MANBA: variants seen among roughly 807,000 people sequenced by gnomAD.
MANBA encodes beta-mannosidase.
Under a neutral mutation model 111.1 loss-of-function variants are expected in MANBA, and 83 were observed. The observed-to-expected ratio is 0.75, with a 90% CI of 0.63 to 0.90. MANBA has a LOEUF of 0.90. Among genes scored for constraint, MANBA ranks in the 40% least tolerant of loss-of-function variants. MANBA has a pLI of 0.00. For synonymous variants in MANBA, 370 were observed against 378.7 expected (o/e 0.98, Z 0.27); for missense variants, 1,036 against 1,069.0 (o/e 0.97, Z 0.43).
intron 1 of MANBA, among the ~76,000 whole-genome samples, chr4:102,753,037 A>G (rs1157651227): frequency 6.6e-6 from 1 of 152,164 alleles, no homozygotes; most frequent in African/African-American, 2.4e-5. Context: ...GTATATGTGT[A>G]TATTTATATA....
chr4:102,742,254 G>A (rs965646410), intron 1 of MANBA, among the ~76,000 whole-genome samples: 7 of 152,054 alleles, frequency 4.6e-5, no homozygotes, highest in African/African-American at 4.8e-5. Context: ...TGGTGGCAGC[G>A]TTTCTCCCTC....
At chr4:102,708,485 A>G (rs1237905782) in intron 5 of MANBA, among the ~76,000 whole-genome samples, 1 of 152,128 alleles carries the variant, frequency 6.6e-6, no homozygotes, top group African/African-American at 2.4e-5. Context: ...ATTAAAACCT[A>G]TGGAATACAG....
intron 11 of MANBA, among the ~76,000 whole-genome samples, chr4:102,658,691 C>A (rs1306130255): frequency 3.3e-5 from 5 of 152,196 alleles, no homozygotes; most frequent in African/African-American, 4.8e-5. Context: ...GGGCCATGTG[C>A]CTCATTCTCA....
At chr4:102,748,987 C>T (rs1180398836) in intron 1 of MANBA, among the ~76,000 whole-genome samples, 2 of 151,390 alleles carry the variant, frequency 1.3e-5, no homozygotes, top group Non-Finnish European at 1.5e-5. Flanking sequence ...TAATTTATCT[C>T]TTTTTTTAAA....
chr4:102,698,556 G>C (rs1452935900), intron 5 of MANBA, among the ~76,000 whole-genome samples: 6 of 148,106 alleles, frequency 4.1e-5, no homozygotes, highest in Non-Finnish European at 7.5e-5. Context: ...AAGGGATCCA[G>C]TTTCAGCTTT....
rs1729545082 is a variant in MANBA, at chr4:102,634,837, A to T, written c.2366T>A (p.Phe789Tyr). The change falls in exon 16 of 17, where the codon TTC (phenylalanine) becomes TAC (tyrosine). Residue 789 changes from phenylalanine (F) to tyrosine (Y), a missense_variant. Physicochemically the swap from Phe to Tyr is conservative, Grantham distance 22. Transcript: ENST00000647097. ...CACGGCCTCCTTCGGTGAGGACAAG[A>T]AGTGGTAGTTGGTCGGGCTCAGGAG... ...HELLSPTNYHFLSSPKEAVGL... is the reference protein window; with the variant it reads ...HELLSPTNYHYLSSPKEAVGL... 6.2e-7 allele frequency: 1 copy of T among 1,614,170 alleles called. No homozygotes were observed. Among genetic ancestry groups the T allele is most frequent in the South Asian group, 1.1e-5 (1 of 91,086 alleles).
intron 12 of MANBA, among the ~76,000 whole-genome samples, chr4:102,654,091 T>TC (rs1291086576): frequency 6.6e-6 from 1 of 152,124 alleles, no homozygotes; most frequent in Non-Finnish European, 1.5e-5. Context: ...TACTTTGATT[T>TC]CCCCCTGGGT....
At chr4:102,755,086 C>T (rs1241278458) in intron 1 of MANBA, among the ~76,000 whole-genome samples, 1 of 152,160 alleles carries the variant, frequency 6.6e-6, no homozygotes, top group African/African-American at 2.4e-5. Flanking sequence ...CATCAAGCTA[C>T]CAATGACTTT....
At chr4:102,736,006 C>T (rs112349637) in intron 1 of MANBA, among the ~76,000 whole-genome samples, 11 of 152,286 alleles carry the variant, frequency 7.2e-5, no homozygotes, top group Admixed American at 6.5e-5. Context: ...TATACTTACA[C>T]GTTTATACCA....
At chr4:102,675,814 T>C (rs1731699915) in intron 7 of MANBA, among the ~76,000 whole-genome samples, 1 of 151,988 alleles carries the variant, frequency 6.6e-6, no homozygotes, top group South Asian at 2.1e-4. Flanking sequence ...CTCTACTAAA[T>C]ACAAAAATTA....
chr4:102,759,152 T>A (rs1296912614), intron 1 of MANBA, among the ~76,000 whole-genome samples: 1 of 151,358 alleles, frequency 6.6e-6, no homozygotes, highest in Non-Finnish European at 1.5e-5. Context: ...TTTTTTTTTT[T>A]AGAGATAGAA....
chr4:102,653,195 C>T (rs1372375079), intron 12 of MANBA, among the ~76,000 whole-genome samples: 10 of 150,936 alleles, frequency 6.6e-5, no homozygotes, highest in African/African-American at 2.4e-4. Flanking sequence ...TACTCATAAA[C>T]ACACGCGCAT....
At chr4:102,633,073 A>T (rs1264136110) in intron 16 of MANBA, among the ~76,000 whole-genome samples, 1 of 152,234 alleles carries the variant, frequency 6.6e-6, no homozygotes, top group East Asian at 1.9e-4. Context: ...GGCCATTTTC[A>T]CTATATATAA....
intron 13 of MANBA, among the ~76,000 whole-genome samples, chr4:102,641,866 C>G (rs988569227): frequency 6.6e-6 from 1 of 150,664 alleles, no homozygotes; most frequent in Non-Finnish European, 1.5e-5. Context: ...CCCTCACTAG[C>G]AATGAAAAGA....
At chr4:102,739,059 A>C (rs2110204383) in intron 1 of MANBA, among the ~76,000 whole-genome samples, 1 of 152,328 alleles carries the variant, frequency 6.6e-6, no homozygotes, top group African/African-American at 2.4e-5. Flanking sequence ...ATAGACCACT[A>C]GTGAGATTAA....
intron 1 of MANBA, among the ~76,000 whole-genome samples, chr4:102,742,217 C>A (rs1652246841): frequency 6.6e-6 from 1 of 152,150 alleles, no homozygotes; most frequent in African/African-American, 2.4e-5. Flanking sequence ...ATCTTAACTT[C>A]TAGTTTAATG....
chr4:102,634,074 A>G (rs958120050), intron 16 of MANBA, among the ~76,000 whole-genome samples: 9 of 152,220 alleles, frequency 5.9e-5, no homozygotes, highest in African/African-American at 1.9e-4. Flanking sequence ...AAGATAAGAT[A>G]ATAAAATTAA....
intron 5 of MANBA, among the ~76,000 whole-genome samples, chr4:102,698,158 T>C (rs1397346144): frequency 6.6e-6 from 1 of 152,228 alleles, no homozygotes; most frequent in Admixed American, 6.5e-5. Flanking sequence ...TGACTTCTTT[T>C]GAGAAGTGTC....
intron 15 of MANBA, among the ~76,000 whole-genome samples, chr4:102,635,354 C>T (rs1729577103): frequency 6.6e-6 from 1 of 152,180 alleles, no homozygotes; most frequent in South Asian, 2.1e-4. Flanking sequence ...GACCTATTTT[C>T]AGTGTTATTA....
Sources: allele counts gnomAD v4.1 joint callset (sites outside exome capture counted in the v4.1 genomes callset), GRCh38; gene constraint gnomAD v4.1.1; transcripts MANE v1.5; gene names NCBI Gene and HGNC (gene_info 2026-07-23, HGNC 2026-07-21).